NUP160: variants seen among roughly 807,000 people sequenced by gnomAD.
NUP160 encodes the protein nucleoporin 160, also known as nuclear pore complex protein Nup160.
Under a neutral mutation model 196.9 loss-of-function variants are expected in NUP160, and 94 were observed. That is an observed-to-expected ratio of 0.48 (90% CI 0.40 to 0.57). NUP160 has a LOEUF of 0.57. Ranked by LOEUF, NUP160 falls within the 20% of genes least tolerant of loss-of-function variation. The probability of loss-of-function intolerance (pLI) is 0.00; values close to 1 mark genes in which losing one functional copy is unlikely to be tolerated. For synonymous variants in NUP160, 605 were observed against 619.7 expected (o/e 0.98, Z 0.35); for missense variants, 1,638 against 1,748.3 (o/e 0.94, Z 1.13).
chr11:47,798,407 T>C, exon 24 of NUP160: 1 of 1,611,556 alleles, frequency 6.2e-7, no homozygotes, highest in Non-Finnish European at 8.5e-7. Flanking sequence ...TTATGGCTGA[T>C]GTAGCCAACT....
intron 2 of NUP160, among the ~76,000 whole-genome samples, chr11:47,843,803 G>C (rs775918977): frequency 2.0e-5 from 3 of 152,298 alleles, no homozygotes; most frequent in South Asian, 2.1e-4. Context: ...TCATTCAGTA[G>C]AACAGCTTTA....
At chr11:47,846,613 T>C (rs1852406990) in intron 2 of NUP160, among the ~76,000 whole-genome samples, 1 of 152,166 alleles carries the variant, frequency 6.6e-6, no homozygotes, top group African/African-American at 2.4e-5. Flanking sequence ...ATCCATCTAC[T>C]TTTCTATTTC....
At chr11:47,815,556 G>T in exon 13 of NUP160, 1 of 1,613,260 alleles carries the variant, frequency 6.2e-7, no homozygotes, top group Non-Finnish European at 8.5e-7. Context: ...TCTTGATACT[G>T]AAGACAACAG....
intron 32 of NUP160, 43 bp from the exon 33 acceptor site, chr11:47,785,106 T>TTTGTTTTTTTTTTTTTTG: frequency 2.0e-6 from 2 of 981,318 alleles, no homozygotes; most frequent in Non-Finnish European, 2.9e-6. Context: ...AGATTCTTAA[T>TTTGTTTTTTTTTTTTTTG]AGCTATTTAG....
intron 12 of NUP160, 142 bp from the exon 13 acceptor site, chr11:47,815,791 A>C: frequency 1.1e-6 from 1 of 892,486 alleles, no homozygotes; most frequent in Non-Finnish European, 1.7e-6. Context: ...TAGACTATGC[A>C]AATGTGTATC....
intron 7 of NUP160, among the ~76,000 whole-genome samples, chr11:47,831,211 C>T (rs1253601830): frequency 2.0e-5 from 3 of 152,088 alleles, no homozygotes; most frequent in Admixed American, 6.6e-5. Flanking sequence ...TGTGAATAAA[C>T]ATTTCTCCAA....
At chr11:47,840,397 G>A (rs1852272306) in exon 3 of NUP160, 5 of 1,613,818 alleles carry the variant, frequency 3.1e-6, no homozygotes, top group Non-Finnish European at 4.2e-6. Context: ...CATCCGGGAG[G>A]GGTGTGGTAA....
At chr11:47,787,680 T>C (rs2097665426) in intron 31 of NUP160, among the ~76,000 whole-genome samples, 1 of 151,578 alleles carries the variant, frequency 6.6e-6, no homozygotes, top group Non-Finnish European at 1.5e-5. Context: ...AAAGTATTAG[T>C]AGGATTACAG....
intron 17 of NUP160, among the ~76,000 whole-genome samples, chr11:47,810,644 T>G (rs1250489252): frequency 6.6e-6 from 1 of 151,910 alleles, no homozygotes; most frequent in Non-Finnish European, 1.5e-5. Context: ...CCTCCTGGGT[T>G]CAAGTAATTC....
intron 13 of NUP160, 77 bp downstream of exon 13, chr11:47,815,402 T>C: frequency 8.4e-7 from 1 of 1,190,068 alleles, no homozygotes; most frequent in African/African-American, 1.6e-5. Context: ...CTGAACTTTT[T>C]GTTTTCTGAA....
intron 2 of NUP160, 41 bp from the exon 3 acceptor site, chr11:47,840,629 TCTCA>T (rs775370306): frequency 2.1e-6 from 3 of 1,425,022 alleles, no homozygotes; most frequent in South Asian, 2.6e-5. Context: ...TTTATGCTTT[TCTCA>T]CTGACTGTTC....
intron 2 of NUP160, chr11:47,841,451 T>C (rs778418689): frequency 8.1e-5 from 34 of 419,286 alleles, no homozygotes; most frequent in Non-Finnish European, 1.2e-4. Context: ...GGCAGAGCAT[T>C]TCTTTTTAAC....
intron 17 of NUP160, among the ~76,000 whole-genome samples, chr11:47,811,366 G>A (rs766140968): frequency 2.6e-4 from 39 of 151,664 alleles, no homozygotes; most frequent in Non-Finnish European, 5.2e-4. Context: ...AAAATTAGCC[G>A]GACACGGTGG....
chr11:47,839,665 A>C (rs928478428), intron 4 of NUP160, 178 bp downstream of exon 4: 2 of 617,248 alleles, frequency 3.2e-6, no homozygotes, highest in African/African-American at 3.7e-5. Flanking sequence ...AATATGCTTT[A>C]TAGTTCCTTA....
At position 47,821,616 on chromosome 11, in the gene NUP160, T is replaced by A. The variant is rs1338989519; in HGVS notation, c.1277+108A>T. ...CTTAAGTGATTTGCCTGCCTCGGCC[T>A]CTCAAAGTGTTAGGATTACAGGCAT... On this transcript the variant is annotated intron_variant, in intron 9 of 35. Transcript: ENST00000378460. The A allele has an allele frequency of 3.9e-6, 3 of 773,752 alleles. No individual in the cohort carries two copies. The African/African-American group carries it at 5.2e-5, about 13-fold the overall frequency. The allele number at this position is 773,752 out of a possible 1,614,324, so 47.9% of individuals were successfully genotyped here.
chr11:47,798,700 T>C (rs1460559763), intron 23 of NUP160, among the ~76,000 whole-genome samples: 1 of 152,006 alleles, frequency 6.6e-6, no homozygotes. Context: ...TGTGGTGGCA[T>C]GCGCCTGTAG....
intron 2 of NUP160, among the ~76,000 whole-genome samples, chr11:47,846,660 C>T (rs1028624834): frequency 2.6e-5 from 4 of 152,206 alleles, no homozygotes; most frequent in African/African-American, 9.7e-5. Context: ...GCAACCCTTA[C>T]TTGGGCCATG....
intron 7 of NUP160, among the ~76,000 whole-genome samples, chr11:47,825,888 T>C (rs1851956581): frequency 6.6e-6 from 1 of 152,158 alleles, no homozygotes; most frequent in Non-Finnish European, 1.5e-5. Flanking sequence ...CCAGCCTAAA[T>C]TAACTGTTTT....
In NUP160 at chr11:47,810,047, A is replaced by G. The variant is rs1217141699; in HGVS notation, c.2242-1518T>C. Among the ~76,000 whole-genome samples the G allele has an allele frequency of 2.6e-5, 4 of 152,238 alleles. No individual in the cohort carries two copies. In the South Asian group the frequency reaches 8.3e-4, roughly 32 times the overall value. On this transcript the variant is annotated intron_variant, in intron 17 of 35. Coordinates refer to ENST00000378460, the Ensembl canonical transcript of NUP160. ...TACTTCTGTGTTCAGAAAAATTGAC[A>G]AAAGTTATAATTTAAAAAACAAAAA...
Sources: gnomAD v4.1 joint callset for allele counts (sites outside exome capture counted in the v4.1 genomes callset) on GRCh38, gnomAD v4.1.1 for gene constraint, MANE v1.5 for transcripts, NCBI Gene and HGNC (gene_info 2026-07-23, HGNC 2026-07-21) for gene names.